The following SAMD5 variants were observed in gnomAD, a reference collection of about 807,000 sequenced individuals.
SAMD5 encodes sterile alpha motif domain-containing protein 5.
A neutral mutation model predicts 11.3 loss-of-function variants in SAMD5; 13 were observed. The ratio of observed to expected loss-of-function variants is 1.15; its 90% CI spans 0.75 to 1.83. SAMD5 has a LOEUF of 1.83. Ranked by LOEUF, SAMD5 falls within the 40% of genes most tolerant of loss-of-function variation. The probability of loss-of-function intolerance (pLI) is 0.00; values close to 1 mark genes in which losing one functional copy is unlikely to be tolerated. For synonymous variants in SAMD5, 129 were observed against 111.3 expected, an observed-to-expected ratio of 1.16 and a Z score of -1.00; for missense variants, 255 against 239.1, an observed-to-expected ratio of 1.07 and a Z score of -0.44.
chr6:147,808,911 C>T, the SAMD5 span, among the ~76,000 whole-genome samples: 1 of 152,088 alleles, frequency 6.6e-6, no homozygotes, highest in Non-Finnish European at 1.5e-5. Context: ...CCAATTTCCT[C>T]ATATTAAGCA....
At chr6:147,928,302 G>GT in the SAMD5 span, among the ~76,000 whole-genome samples, 3 of 151,944 alleles carry the variant, frequency 2.0e-5, no homozygotes, top group Non-Finnish European at 4.4e-5. Flanking sequence ...GGCTTTTTTG[G>GT]TTTTTAGTTG....
At chr6:147,705,475 AG>A (rs1381555084) in intron 1 of SAMD5, among the ~76,000 whole-genome samples, 1 of 152,156 alleles carries the variant, frequency 6.6e-6, no homozygotes, top group Non-Finnish European at 1.5e-5. Context: ...TATTATTTTT[AG>A]ATTATTGTTT....
At chr6:147,630,622 A>T (rs1232853637) in intron 1 of SAMD5, among the ~76,000 whole-genome samples, 7 of 151,656 alleles carry the variant, frequency 4.6e-5, no homozygotes, top group African/African-American at 1.7e-4. Context: ...ATCCTATAAA[A>T]CAGCCCCACC....
the SAMD5 span, among the ~76,000 whole-genome samples, chr6:147,803,215 T>G: frequency 6.6e-6 from 1 of 151,186 alleles, no homozygotes; most frequent in African/African-American, 2.4e-5. Context: ...AGCTACTGTA[T>G]AAATTATGTA....
chr6:147,576,569 A>G (rs1251147657), intron 1 of SAMD5, among the ~76,000 whole-genome samples: 3 of 152,224 alleles, frequency 2.0e-5, no homozygotes, highest in African/African-American at 7.2e-5. Flanking sequence ...CACACTCTTC[A>G]CTACCAGGTG....
At chr6:147,516,382 C>A (rs1186026852) in intron 1 of SAMD5, among the ~76,000 whole-genome samples, 4 of 152,104 alleles carry the variant, frequency 2.6e-5, no homozygotes, top group African/African-American at 9.7e-5. Context: ...AGGCTCAGAA[C>A]CAGACATCAG....
chr6:147,639,391 G>A (rs4618550), intron 1 of SAMD5, among the ~76,000 whole-genome samples: 59,808 of 152,094 alleles, frequency 0.39, 12,928 homozygotes, highest in Middle Eastern at 0.51. Flanking sequence ...ATATATTTAT[G>A]CATGTGAATG....
At chr6:147,804,187 A>G in the SAMD5 span, among the ~76,000 whole-genome samples, 2 of 148,198 alleles carry the variant, frequency 1.3e-5, no homozygotes, top group Non-Finnish European at 1.5e-5. Flanking sequence ...GGCTCGCTGC[A>G]ACTTCCACCT....
the SAMD5 span, among the ~76,000 whole-genome samples, chr6:147,928,026 G>A: frequency 6.6e-5 from 10 of 152,096 alleles, no homozygotes; most frequent in South Asian, 2.1e-4. Context: ...CTACTTGATC[G>A]TGGTGGATAA....
intron 1 of SAMD5, among the ~76,000 whole-genome samples, chr6:147,716,027 G>C (rs143119619): frequency 0.01 from 1,584 of 152,256 alleles, 33 homozygotes; most frequent in African/African-American, 0.037. Flanking sequence ...CCTCCCCTTA[G>C]GCTTTCAGGC....
intron 1 of SAMD5, among the ~76,000 whole-genome samples, chr6:147,532,687 A>T (rs1788447891): frequency 6.6e-6 from 1 of 152,160 alleles, no homozygotes; most frequent in Non-Finnish European, 1.5e-5. Flanking sequence ...TTCTACTTTT[A>T]GTTCTTTAAG....
the SAMD5 span, among the ~76,000 whole-genome samples, chr6:147,870,625 TA>T: frequency 2.6e-5 from 4 of 151,568 alleles, no homozygotes; most frequent in Non-Finnish European, 5.9e-5. Context: ...GGGTGTTCCA[TA>T]AATATTTGTT....
chr6:147,682,269 T>A (rs6912301), intron 1 of SAMD5, among the ~76,000 whole-genome samples: 21,723 of 152,208 alleles, frequency 0.14, 1,993 homozygotes, highest in African/African-American at 0.24. Context: ...CATTGTCTAA[T>A]GTCCAATGTT....
At chr6:147,642,653 A>G (rs1023713903) in intron 1 of SAMD5, among the ~76,000 whole-genome samples, 3 of 152,234 alleles carry the variant, frequency 2.0e-5, no homozygotes, top group African/African-American at 4.8e-5. Flanking sequence ...TAAGAAAAAT[A>G]AAACAGTGTT....
intron 1 of SAMD5, among the ~76,000 whole-genome samples, chr6:147,589,421 C>G (rs1054269572): frequency 6.6e-6 from 1 of 152,140 alleles, no homozygotes; most frequent in Non-Finnish European, 1.5e-5. Flanking sequence ...CTCAAATGTG[C>G]CACAGAGACA....
the SAMD5 span, among the ~76,000 whole-genome samples, chr6:147,849,404 T>C: frequency 6.6e-6 from 1 of 152,162 alleles, no homozygotes; most frequent in Non-Finnish European, 1.5e-5. Flanking sequence ...CTAGTAGATA[T>C]GCCAGTTTTT....
chr6:147,940,317 T>G, the SAMD5 span, among the ~76,000 whole-genome samples: 2 of 150,964 alleles, frequency 1.3e-5, no homozygotes, highest in African/African-American at 4.9e-5. Context: ...TATAACATAA[T>G]GTAGTTTAGG....
chr6:147,767,688 T>C, the SAMD5 span, among the ~76,000 whole-genome samples: 1 of 152,196 alleles, frequency 6.6e-6, no homozygotes, highest in Non-Finnish European at 1.5e-5. Flanking sequence ...CACCAGGGAC[T>C]GAATTTGCCA....
chr6:147,946,622 A>G, the SAMD5 span, among the ~76,000 whole-genome samples: 2 of 152,218 alleles, frequency 1.3e-5, no homozygotes, highest in East Asian at 3.8e-4. Context: ...ATAAGTAATT[A>G]TTTAGGTACT....
Sources: allele counts gnomAD v4.1 joint callset (sites outside exome capture counted in the v4.1 genomes callset), GRCh38; gene constraint gnomAD v4.1.1; transcripts MANE v1.5; gene names NCBI Gene and HGNC (gene_info 2026-07-23, HGNC 2026-07-21).